ALOX12B: variants seen among roughly 807,000 people sequenced by gnomAD.
ALOX12B encodes arachidonate 12-lipoxygenase, 12R type.
Under a neutral mutation model 78.9 loss-of-function variants are expected in ALOX12B, and 47 were observed. The ratio of observed to expected loss-of-function variants is 0.60; its 90% CI spans 0.47 to 0.76. ALOX12B has a LOEUF of 0.76. Ranked by LOEUF, ALOX12B falls within the 30% of genes least tolerant of loss-of-function variation. The pLI, the probability that ALOX12B is intolerant of heterozygous loss-of-function variation, is 0.00. For missense variants in ALOX12B, 805 were observed against 922.6 expected, an observed-to-expected ratio of 0.87 and a Z score of 1.65; for synonymous variants, 370 against 374.5, an observed-to-expected ratio of 0.99 and a Z score of 0.14.
chr17:8,084,839 G>A (rs1978292242), intron 2 of ALOX12B, among the ~76,000 whole-genome samples: 6 of 152,190 alleles, frequency 3.9e-5, no homozygotes, highest in Admixed American at 3.3e-4. Context: ...TGGGAGATAA[G>A]AGAGGACAGG....
At position 8,072,936 on chromosome 17, in the gene ALOX12B, G is replaced by C. The variant is rs984708678; in HGVS notation, c.1941C>G (p.His647Gln). The C allele has an allele frequency of 1.2e-5, 19 of 1,612,588 alleles. No homozygotes were observed. The African/African-American group carries it at 1.3e-4, about 11-fold the overall frequency. ...REPDDRRPLG[H>Q]FPDIHFVEEA... ...CCTCCACGAAGTGAATGTCCGGGAA[G>C]TGTCCCAGGGGCCGCTGCGGGCAGA... is the stretch of plus-strand genomic sequence containing the variant. The change falls in exon 15 of 15, where the codon CAC becomes CAG. Residue 647 changes from histidine (H) to glutamine (Q), a missense_variant. Transcript: ENST00000647874.
intron 11 of ALOX12B, 94 bp from the exon 12 acceptor site, chr17:8,075,810 T>G (rs1270743112): frequency 6.2e-7 from 1 of 1,605,744 alleles, no homozygotes; most frequent in Admixed American, 1.7e-5. Flanking sequence ...CTGACCTCAG[T>G]TGGCCCCAGA....
At chr17:8,077,535 G>A (rs760620982) in intron 8 of ALOX12B, among the ~76,000 whole-genome samples, 3 of 152,218 alleles carry the variant, frequency 2.0e-5, no homozygotes, top group Non-Finnish European at 4.4e-5. Flanking sequence ...CACTGCACAA[G>A]GATTCCTAGC....
At position 8,072,877 on chromosome 17, in the gene ALOX12B, T is replaced by C; in HGVS notation, c.2000A>G (p.Gln667Arg). ...APRRSIEAFR[Q>R]RLNQISHDIR... ...GTCGTGTGAGATCTGGTTCAGGCGCTGGCGGAACGCCTCTATGCTCCTCCG... is the reference window on the plus strand; with the variant it reads ...GTCGTGTGAGATCTGGTTCAGGCGCCGGCGGAACGCCTCTATGCTCCTCCG... The change falls in exon 15 of 15, where the codon CAG becomes CGG. Residue 667 changes from glutamine (Q) to arginine (R), a missense_variant. Gln to Arg is a conservative substitution (Grantham distance 43). Coordinates refer to ENST00000647874, the MANE Select transcript of ALOX12B (RefSeq NM_001139.3). The C allele has an allele frequency of 6.2e-7, 1 of 1,614,174 alleles. No individual in the cohort carries two copies. The highest frequency in any genetic ancestry group is 1.1e-5 in the South Asian group (1 of 91,084).
intron 2 of ALOX12B, chr17:8,081,578 C>G (rs1275696517): frequency 9.9e-6 from 3 of 303,964 alleles, no homozygotes; most frequent in Non-Finnish European, 2.0e-5. Context: ...AATTTCTCAT[C>G]ATCCACCCCC....
intron 8 of ALOX12B, among the ~76,000 whole-genome samples, chr17:8,078,894 CTTTTTTTT>C (rs398030274): frequency 2.6e-5 from 3 of 115,294 alleles, no homozygotes; most frequent in Admixed American, 8.6e-5. Flanking sequence ...AATACTGGGA[CTTTTTTTT>C]TTTTTTTTTT....
rs1440243885 is a variant in ALOX12B, at chr17:8,072,879, G to A, written c.1998C>T (p.Arg666=). ...CGTGTGAGATCTGGTTCAGGCGCTG[G>A]CGGAACGCCTCTATGCTCCTCCGCG... ...EAPRRSIEAF[R]QRLNQISHDI... is the part of the protein sequence containing the mutation. The change falls in exon 15 of 15, where the codon CGC becomes CGT. Residue 666 remains arginine (R), a synonymous_variant. Transcript: ENST00000647874. 1.2e-6 allele frequency: 2 copies of A among 1,614,188 alleles called. No individual in the cohort carries two copies.
chr17:8,084,852 C>T (rs1379541440), intron 2 of ALOX12B, among the ~76,000 whole-genome samples: 2 of 152,170 alleles, frequency 1.3e-5, no homozygotes, highest in Non-Finnish European at 2.9e-5. Flanking sequence ...AGGACAGGCC[C>T]CCAGTCCTCA....
Position 8,079,392 on chromosome 17 carries a change from G to T in ALOX12B, c.1071+4C>A. The T allele has an allele frequency of 1.3e-6, 2 of 1,553,036 alleles. No homozygotes were observed. Among genetic ancestry groups the T allele is most frequent in the Non-Finnish European group, 1.7e-6 (2 of 1,148,382 alleles). On this transcript the variant is annotated splice_donor_region_variant and intron_variant, in intron 8 of 14. Transcript: ENST00000647874. This position sits in a 1 kb window ranked among gnomAD's most constrained non-coding sequence, Gnocchi z 6.4. The stretch of plus-strand genomic sequence containing the variant: ...AGCGGCAGCGCCGCCTGCAGCCCAG[G>T]CACCTGGATGGCGATGGGCATCATC...
In ALOX12B at chr17:8,079,315, G is replaced by A. The variant is rs1977154775; in HGVS notation, c.1071+81C>T. The A allele has an allele frequency of 6.5e-7, 1 of 1,530,472 alleles. No homozygotes were observed. Among genetic ancestry groups the A allele is most frequent in the African/African-American group, 1.4e-5 (1 of 72,674 alleles). 94.8% of individuals were successfully genotyped at this position (1,530,472 alleles called of 1,614,324 possible). ...CGGCTGAATACATGCAGGTCCACAC[G>A]CTCACATAAGCGCGCGCACACTCGG... On this transcript the variant is annotated intron_variant, in intron 8 of 14. Coordinates refer to ENST00000647874, the MANE Select transcript of ALOX12B (RefSeq NM_001139.3). This position sits in a 1 kb window ranked among gnomAD's most constrained non-coding sequence, Gnocchi z 6.4.
chr17:8,073,515 C>G, intron 13 of ALOX12B, 142 bp downstream of exon 13: 2 of 1,058,292 alleles, frequency 1.9e-6, no homozygotes, highest in Non-Finnish European at 2.8e-6. Flanking sequence ...GGCTCGGTTT[C>G]CGTTGGGACT....
chr17:8,086,104 C>A lies in ALOX12B; in HGVS notation c.264G>T (p.Gln88His), dbSNP rs779456276. ...PKDPWYCNYV[Q>H]ICAPNGRIYH... ...AGATACGGCCGTTGGGGGCACAGAT[C>A]TGCACATAGTTGCAGTACCAAGGGT... The change falls in exon 2 of 15, where the codon CAG (glutamine) becomes CAT (histidine). Residue 88 changes from glutamine (Q) to histidine (H), a missense_variant. By Grantham distance (24) the Gln-to-His change is conservative. Transcript: ENST00000647874. 6.2e-7 allele frequency: 1 copy of A among 1,614,062 alleles called. No individual in the cohort carries two copies. The highest frequency in any genetic ancestry group is 1.3e-5 in the African/African-American group (1 of 74,940).
chr17:8,081,322 G>T, intron 2 of ALOX12B, 135 bp from the exon 3 acceptor site: 1 of 815,900 alleles, frequency 1.2e-6, no homozygotes, highest in Non-Finnish European at 2.1e-6. Flanking sequence ...GCTCACCTTG[G>T]GAGAGTGAAG....
At chr17:8,076,609 G>T (rs1221564239) in intron 10 of ALOX12B, 48 bp downstream of exon 10, 4 of 1,525,748 alleles carry the variant, frequency 2.6e-6, no homozygotes, top group South Asian at 1.2e-5. Context: ...AACTGAAAAG[G>T]CCAGAGGAAA....
intron 11 of ALOX12B, 50 bp downstream of exon 11, chr17:8,076,125 C>A: frequency 6.2e-7 from 1 of 1,611,200 alleles, no homozygotes; most frequent in African/African-American, 1.3e-5. Flanking sequence ...CCCTCTCCAA[C>A]ATCCCAGGTT....
In ALOX12B at chr17:8,080,183, G is replaced by A. The variant is rs896460429; in HGVS notation, c.754+52C>T. ...CCGAAGTCGGGGGCCTGCCTAGCACGCCGGAGACCGCCTGGCTCCCCCTGC... is the reference window on the plus strand; with the variant it reads ...CCGAAGTCGGGGGCCTGCCTAGCACACCGGAGACCGCCTGGCTCCCCCTGC... On this transcript the variant is annotated intron_variant, in intron 6 of 14. Transcript: ENST00000647874. This position sits in a 1 kb window ranked among gnomAD's most constrained non-coding sequence, Gnocchi z 4.8. 3.1e-6 allele frequency: 5 copies of A among 1,589,618 alleles called. No individual in the cohort carries two copies. The highest frequency in any genetic ancestry group is 1.3e-5 in the African/African-American group (1 of 74,368).
chr17:8,079,885 C>T lies in ALOX12B; in HGVS notation c.811G>A (p.Gly271Ser). Reference protein sequence around the residue: ...DTFFGYQYLNGVNPGLIRRCT... With the variant: ...DTFFGYQYLNSVNPGLIRRCT... ...CGGCGGATCAGGCCGGGGTTGACGC[C>T]GTTGAGGTACTGGTACCCAAAGAAG... Residue 271 changes from glycine (G) to serine (S), a missense_variant, in exon 7 of 15, where the codon GGC becomes AGC. Coordinates refer to ENST00000647874, the MANE Select transcript of ALOX12B (RefSeq NM_001139.3). This position sits in a 1 kb window ranked among gnomAD's most constrained non-coding sequence, Gnocchi z 6.4. 1 of 1,613,328 alleles carries T rather than the reference C, an allele frequency of 6.2e-7. No individual in the cohort carries two copies. Among genetic ancestry groups the T allele is most frequent in the East Asian group, 2.2e-5 (1 of 44,856 alleles).
Position 8,082,593 on chromosome 17 carries a change from G to A in ALOX12B, c.353-1406C>T, listed in dbSNP as rs142364926. On this transcript the variant is annotated intron_variant, in intron 2 of 14. Transcript: ENST00000647874. ...AGCACAAAGGAGATTCGTTTAAACC[G>A]CTATTGCTATAGATTACGCCTGTGA... 8.0e-5 allele frequency among the ~76,000 whole-genome samples: 12 copies of A among 149,798 alleles called. 1 individual carries two copies. The highest frequency in any genetic ancestry group is 6.0e-4 in the Admixed American group (9 of 14,994).
At position 8,077,020 on chromosome 17, in the gene ALOX12B, C is replaced by T; in HGVS notation, c.1245G>A (p.Arg415=). 6.2e-7 allele frequency: 1 copy of T among 1,613,874 alleles called. No homozygotes were observed. The highest frequency in any genetic ancestry group is 1.7e-4 in the Middle Eastern group (1 of 6,052). Residue 415 remains arginine (R), a synonymous_variant, in exon 9 of 15, where the codon AGG becomes AGA. Coordinates refer to ENST00000647874, the MANE Select transcript of ALOX12B (RefSeq NM_001139.3). ...IAEAFCLALL[R]NLPMCHPLYK... ...AGAGGGGGTGGCACATGGGCAGGTT[C>T]CTCAGCAAGGCCAGGCAGAAGGCCT...
Sources: allele counts gnomAD v4.1 joint callset (sites outside exome capture counted in the v4.1 genomes callset), GRCh38; gene constraint gnomAD v4.1.1; non-coding constraint Gnocchi (gnomAD v3.1); transcripts MANE v1.5; gene names NCBI Gene and HGNC (gene_info 2026-07-23, HGNC 2026-07-21).